Variants in ZBTB2 observed in about 807,000 individuals in gnomAD.
ZBTB2 encodes the protein zinc finger and BTB domain-containing protein 2.
ZBTB2 carries 2 observed loss-of-function variants against 39.5 expected under a neutral mutation model. The ratio of observed to expected loss-of-function variants is 0.05; its 90% confidence interval spans 0.02 to 0.16. The LOEUF (loss-of-function observed/expected upper bound fraction) is 0.16, where lower values mean the gene tolerates loss of function less well. Ranked by LOEUF, ZBTB2 falls within the 10% of genes least tolerant of loss-of-function variation. The pLI, the probability that ZBTB2 is intolerant of heterozygous loss-of-function variation, is 1.00. For synonymous variants in ZBTB2, 251 were observed against 256.6 expected (o/e 0.98, Z 0.21); for missense variants, 391 against 653.0 (o/e 0.60, Z 4.37).
intron 1 of ZBTB2, among the ~76,000 whole-genome samples, chr6:151,380,247 C>CA (rs1779003096): frequency 6.6e-6 from 1 of 152,002 alleles, no homozygotes; most frequent in African/African-American, 2.4e-5. Flanking sequence ...TTTTGGAGAC[C>CA]AAAAAACCTT....
intron 1 of ZBTB2, among the ~76,000 whole-genome samples, chr6:151,387,591 G>T (rs1779187533): frequency 6.6e-6 from 1 of 152,194 alleles, no homozygotes. Flanking sequence ...CGCTTACCCT[G>T]CTTGGTGCAG....
chr6:151,385,412 G>A (rs1051819797), intron 1 of ZBTB2, among the ~76,000 whole-genome samples: 30 of 152,156 alleles, frequency 2.0e-4, no homozygotes, highest in Admixed American at 2.0e-4. Context: ...GGGCTGATCC[G>A]TAAGCAACTC....
At chr6:151,367,665 C>A (rs892098108) in intron 2 of ZBTB2, among the ~76,000 whole-genome samples, 1 of 152,180 alleles carries the variant, frequency 6.6e-6, no homozygotes, top group Non-Finnish European at 1.5e-5. Flanking sequence ...TCCAAAGCCA[C>A]CACAGCAAGA....
chr6:151,387,479 C>T (rs1185946904), intron 1 of ZBTB2, among the ~76,000 whole-genome samples: 1 of 152,172 alleles, frequency 6.6e-6, no homozygotes, highest in Non-Finnish European at 1.5e-5. Flanking sequence ...CTGCAGACCA[C>T]ACTTAGACAA....
At chr6:151,390,318 C>G (rs913073350) in intron 1 of ZBTB2, among the ~76,000 whole-genome samples, 4 of 142,844 alleles carry the variant, frequency 2.8e-5, no homozygotes, top group African/African-American at 8.0e-5. Context: ...CCGGGGCCCT[C>G]TGGCCCCCTC....
intron 1 of ZBTB2, among the ~76,000 whole-genome samples, chr6:151,391,095 G>GGCGCCGCCGAC (rs1470382324): frequency 6.7e-6 from 1 of 149,938 alleles, no homozygotes; most frequent in Non-Finnish European, 1.5e-5. Context: ...CCCGGATGGA[G>GGCGCCGCCGAC]GCGCCGCCGA....
chr6:151,386,401 G>A (rs1354144199), intron 1 of ZBTB2, among the ~76,000 whole-genome samples: 3 of 152,160 alleles, frequency 2.0e-5, no homozygotes, highest in African/African-American at 7.2e-5. Context: ...TGAATGTGGT[G>A]GCATGTGCCC....
At chr6:151,390,699 C>G (rs1242604978) in intron 1 of ZBTB2, among the ~76,000 whole-genome samples, 1 of 151,794 alleles carries the variant, frequency 6.6e-6, no homozygotes, top group Non-Finnish European at 1.5e-5. Flanking sequence ...GTAGGAGCCG[C>G]TGCAGCTGGG....
chr6:151,383,589 G>A (rs781294896), intron 1 of ZBTB2, among the ~76,000 whole-genome samples: 6 of 152,108 alleles, frequency 3.9e-5, no homozygotes, highest in African/African-American at 9.7e-5. Context: ...TCCTGACAGC[G>A]TACAATACTT....
intron 1 of ZBTB2, among the ~76,000 whole-genome samples, chr6:151,376,985 A>G (rs981669591): frequency 3.3e-5 from 5 of 152,220 alleles, no homozygotes; most frequent in Non-Finnish European, 5.9e-5. Context: ...TGGTATGCCC[A>G]CACAGAGGAA....
At chr6:151,375,766 A>G (rs937997906) in intron 1 of ZBTB2, among the ~76,000 whole-genome samples, 4 of 152,090 alleles carry the variant, frequency 2.6e-5, no homozygotes, top group African/African-American at 9.7e-5. Flanking sequence ...ATGGGGTTTC[A>G]CCATGTTGGC....
At chr6:151,369,003 T>C (rs527294226) in intron 2 of ZBTB2, among the ~76,000 whole-genome samples, 30 of 152,076 alleles carry the variant, frequency 2.0e-4, no homozygotes, top group Non-Finnish European at 3.4e-4. Flanking sequence ...CCTCAAGTGA[T>C]CTGCCCATCT....
intron 2 of ZBTB2, among the ~76,000 whole-genome samples, chr6:151,371,042 T>C (rs974060734): frequency 2.0e-5 from 3 of 152,220 alleles, no homozygotes; most frequent in Non-Finnish European, 4.4e-5. Context: ...AATTGCCTCC[T>C]TTTCAATACC....
Position 151,366,412 on chromosome 6 carries a change from C to T in ZBTB2, c.654G>A (p.Glu218=), listed in dbSNP as rs199697335. 32 of 1,614,112 alleles carry T rather than the reference C, an allele frequency of 2.0e-5. No homozygotes were observed. In the East Asian group the frequency reaches 6.5e-4, roughly 33 times the overall value. ...AGGAAGATGCTTCCAGATTGGTCTC[C>T]TCCCCGGGAGGAGGGGGAGGAACAG... ...STPVPPPPPG[E]ETNLEASSSD... is the part of the protein sequence containing the mutation. The change falls in exon 3 of 3, where the codon GAG becomes GAA. Residue 218 remains glutamate, a synonymous_variant. Coordinates refer to ENST00000325144, the MANE Select transcript of ZBTB2 (RefSeq NM_020861.3). This position sits in a 1 kb window ranked among gnomAD's most constrained non-coding sequence, Gnocchi z 7.1.
At chr6:151,390,173 G>T (rs1779252408) in intron 1 of ZBTB2, among the ~76,000 whole-genome samples, 1 of 151,912 alleles carries the variant, frequency 6.6e-6, no homozygotes, top group African/African-American at 2.4e-5. Flanking sequence ...ACCCGGGACT[G>T]GGGCCCGGCC....
chr6:151,374,798 T>A (rs1778865305), intron 1 of ZBTB2, among the ~76,000 whole-genome samples: 1 of 115,312 alleles, frequency 8.7e-6, no homozygotes, highest in East Asian at 2.2e-4. Context: ...CCAAGGCATC[T>A]ATTAAAAAAA....
intron 1 of ZBTB2, among the ~76,000 whole-genome samples, chr6:151,374,967 A>T (rs1191589232): frequency 6.6e-6 from 1 of 151,234 alleles, no homozygotes; most frequent in Non-Finnish European, 1.5e-5. Flanking sequence ...ACAAAAACAA[A>T]AAATTAGCTG....
chr6:151,367,763 AAAGTT>A (rs1778682579), intron 2 of ZBTB2, among the ~76,000 whole-genome samples: 1 of 152,244 alleles, frequency 6.6e-6, no homozygotes, highest in African/African-American at 2.4e-5. Context: ...GAGGTCCCAA[AAAGTT>A]AAGTGATTTA....
intron 1 of ZBTB2, among the ~76,000 whole-genome samples, chr6:151,388,718 G>C (rs144214828): frequency 2.0e-4 from 31 of 152,272 alleles, no homozygotes; most frequent in African/African-American, 7.0e-4. Context: ...TGCAGATTTT[G>C]GAGGTTACTG....
Sources: gnomAD v4.1 joint callset for allele counts (sites outside exome capture counted in the v4.1 genomes callset) on GRCh38, gnomAD v4.1.1 for gene constraint, Gnocchi (gnomAD v3.1) non-coding constraint, MANE v1.5 for transcripts, NCBI Gene and HGNC (gene_info 2026-07-23, HGNC 2026-07-21) for gene names.